Variants in CUX1 observed in about 807,000 individuals in gnomAD.
The protein encoded by CUX1 is protein CASP.
In CUX1, 31 loss-of-function variants were observed where a neutral mutation model predicts 158.8. That is an observed-to-expected ratio of 0.20 (90% CI 0.15 to 0.26). The LOEUF (loss-of-function observed/expected upper bound fraction) is 0.26. Ranked by LOEUF, CUX1 falls within the 10% of genes least tolerant of loss-of-function variation. CUX1 has a pLI of 1.00. For synonymous variants in CUX1, 879 were observed against 862.1 expected, an observed-to-expected ratio of 1.02 and a Z score of -0.34; for missense variants, 1,589 against 2,014.6, an observed-to-expected ratio of 0.79 and a Z score of 4.04.
exon 23 of CUX1, chr7:102,283,600 A>T (rs77369840): frequency 0.012 from 1,868 of 161,612 alleles, 40 homozygotes; most frequent in African/African-American, 0.043. Flanking sequence ...CCTGCAGAGT[A>T]TATGAGGCTT....
At chr7:101,935,422 C>T (rs539353583) in intron 2 of CUX1, among the ~76,000 whole-genome samples, 2 of 152,310 alleles carry the variant, frequency 1.3e-5, no homozygotes, top group African/African-American at 4.8e-5. Context: ...TCTTTTCACA[C>T]GGACGTGAGT....
intron 14 of CUX1, among the ~76,000 whole-genome samples, chr7:102,269,916 C>T (rs1310791783): frequency 1.3e-5 from 2 of 152,208 alleles, no homozygotes. Flanking sequence ...CCCCACCACA[C>T]ACATGCCCTT....
intron 8 of CUX1, chr7:102,153,241 GC>G (rs148346779): frequency 6.6e-6 from 1 of 152,386 alleles, no homozygotes; most frequent in Non-Finnish European, 1.5e-5. Flanking sequence ...CATAAACCTG[GC>G]AGGAACTGGA....
At chr7:102,197,470 G>A (rs1586166376) in intron 15 of CUX1, among the ~76,000 whole-genome samples, 165 bp downstream of exon 15, 1 of 152,338 alleles carries the variant, frequency 6.6e-6, no homozygotes, top group East Asian at 1.9e-4. Flanking sequence ...GGGTGGCCCG[G>A]CATGAGTTAA....
chr7:102,227,669 G>A lies in CUX1; in HGVS notation c.3433G>A (p.Gly1145Ser). 1 of 1,607,020 alleles carries A rather than the reference G, an allele frequency of 6.2e-7. No individual in the cohort carries two copies. The highest frequency in any genetic ancestry group is 8.5e-7 in the Non-Finnish European group (1 of 1,175,482). ...GGAGGTGCTGACGGACAACAACCTC[G>A]GTAGGTTCTCCTCTCGGCTGCTGAG... ...VKEVLTDNNL[G>S]QRLFGETILG... The change falls in exon 21 of 24, where the codon GGC becomes AGC. Residue 1145 changes from glycine (G) to serine (S), a missense_variant and splice_region_variant. By Grantham distance (56) the Gly-to-Ser change is moderately conservative. Around this residue, in one of 8 missense-constraint regions of CUX1, gnomAD observed 259 missense variants for 373.8 expected, o/e 0.69. Transcript: ENST00000292535.
chr7:102,279,507 C>G (rs1168289466), intron 18 of CUX1, among the ~76,000 whole-genome samples: 2 of 152,152 alleles, frequency 1.3e-5, no homozygotes, highest in Non-Finnish European at 2.9e-5. Flanking sequence ...CACCCCGTGC[C>G]AGGAAACCCT....
At chr7:101,933,907 C>T (rs1005477529) in intron 2 of CUX1, among the ~76,000 whole-genome samples, 2 of 152,128 alleles carry the variant, frequency 1.3e-5, no homozygotes, top group Non-Finnish European at 2.9e-5. Flanking sequence ...AAAGTTCTTT[C>T]TGTTTTCTAT....
intron 20 of CUX1, among the ~76,000 whole-genome samples, chr7:102,216,883 TCTCA>T (rs1554525074): frequency 1.9e-5 from 1 of 51,316 alleles, no homozygotes; most frequent in Non-Finnish European, 4.6e-5. Flanking sequence ...ACACACATTA[TCTCA>T]CACACACACA....
At chr7:102,112,584 T>G (rs1245937934) in intron 7 of CUX1, among the ~76,000 whole-genome samples, 1 of 151,804 alleles carries the variant, frequency 6.6e-6, no homozygotes, top group African/African-American at 2.4e-5. Context: ...TTTGTTTTTT[T>G]TTTGAGACAG....
At chr7:102,045,329 T>C (rs1222674171) in intron 3 of CUX1, among the ~76,000 whole-genome samples, 2 of 152,218 alleles carry the variant, frequency 1.3e-5, no homozygotes, top group South Asian at 2.1e-4. Context: ...CCATGATCTA[T>C]GGAAGCCGGG....
chr7:102,103,761 T>G (rs115094356), intron 5 of CUX1, among the ~76,000 whole-genome samples: 1 of 149,404 alleles, frequency 6.7e-6, no homozygotes, highest in East Asian at 1.9e-4. Context: ...TTTTTTTTTT[T>G]AATTTATTTG....
intron 11 of CUX1, among the ~76,000 whole-genome samples, chr7:102,187,689 T>G (rs1793783996): frequency 6.7e-6 from 1 of 149,824 alleles, no homozygotes; most frequent in Non-Finnish European, 1.5e-5. Context: ...TTTTTTTTTT[T>G]TAGTAGAGAC....
chr7:102,236,325 C>T (rs1799560454), intron 22 of CUX1, among the ~76,000 whole-genome samples: 1 of 152,134 alleles, frequency 6.6e-6, no homozygotes, highest in Admixed American at 6.5e-5. Flanking sequence ...GCCCTTGGGC[C>T]TGTAGTCTAA....
intron 23 of CUX1, among the ~76,000 whole-genome samples, chr7:102,241,386 G>A (rs1800191435): frequency 6.6e-6 from 1 of 152,162 alleles, no homozygotes; most frequent in Middle Eastern, 3.2e-3. Context: ...ATTGTCCCTA[G>A]GGCACGATAA....
At chr7:102,240,168 C>T (rs1800035364) in intron 23 of CUX1, among the ~76,000 whole-genome samples, 1 of 152,120 alleles carries the variant, frequency 6.6e-6, no homozygotes, top group Non-Finnish European at 1.5e-5. Flanking sequence ...AATCACCTCT[C>T]GATTACATCA....
At position 102,254,702 on chromosome 7, in the gene CUX1, G is replaced by A. The variant is rs11771091; in HGVS notation, c.*5660G>A. 197,005 of 985,418 alleles carry A rather than the reference G, an allele frequency of 0.2. 20,551 individuals are homozygous for A. The highest frequency in any genetic ancestry group is 0.21 in the Non-Finnish European group (176,213 of 829,928). The allele number at this position is 985,418 out of a possible 1,614,324, so 61.0% of individuals were successfully genotyped here. On this transcript the variant is annotated 3_prime_UTR_variant, in exon 24 of 24. Transcript: ENST00000292535. The stretch of plus-strand genomic sequence containing the variant: ...TCTGTGGTTTCACCTGGGCATCGAC[G>A]ACATTAGGGAAGCCTTTGTGACCAC...
At chr7:102,225,657 A>G (rs1163420085) in intron 20 of CUX1, among the ~76,000 whole-genome samples, 2 of 152,214 alleles carry the variant, frequency 1.3e-5, no homozygotes, top group Non-Finnish European at 2.9e-5. Context: ...TGAGGCCAGG[A>G]GTTCAGCCTA....
chr7:102,183,770 C>T (rs968358854), intron 11 of CUX1, among the ~76,000 whole-genome samples: 14 of 152,242 alleles, frequency 9.2e-5, no homozygotes, highest in Non-Finnish European at 1.6e-4. Context: ...ATCTGCACTG[C>T]AGATGCCACT....
chr7:102,199,926 A>G (rs1328153720), intron 16 of CUX1, 145 bp from the exon 17 acceptor site: 1 of 599,826 alleles, frequency 1.7e-6, no homozygotes. Context: ...CACTCACAGC[A>G]AACACAGGCC....
Sources: gnomAD v4.1 joint callset for allele counts (sites outside exome capture counted in the v4.1 genomes callset) on GRCh38, gnomAD v4.1.1 for gene constraint, gnomAD v4.1.1 regional missense constraint, MANE v1.5 for transcripts, NCBI Gene and HGNC (gene_info 2026-07-23, HGNC 2026-07-21) for gene names.